The following BIN2 variants were observed in gnomAD, a reference collection of about 807,000 sequenced individuals.
BIN2 encodes the protein bridging integrator 2.
Under a neutral mutation model 67.9 loss-of-function variants are expected in BIN2, and 43 were observed. The observed-to-expected ratio is 0.63, with a 90% CI of 0.50 to 0.82. The LOEUF is 0.82. Among genes scored for constraint, BIN2 ranks in the 40% least tolerant of loss-of-function variants. The pLI, the probability that BIN2 is intolerant of heterozygous loss-of-function variation, is 0.00. For synonymous variants in BIN2, 244 were observed against 246.8 expected, an observed-to-expected ratio of 0.99 and a Z score of 0.11; for missense variants, 581 against 671.6, an observed-to-expected ratio of 0.87 and a Z score of 1.49.
intron 7 of BIN2, 95 bp from the exon 8 acceptor site, chr12:51,297,259 C>CA (rs1455399795): frequency 8.1e-7 from 1 of 1,230,126 alleles, no homozygotes; most frequent in Non-Finnish European, 1.2e-6. Context: ...CAAAACCAGC[C>CA]ACCAAGGCTC....
In BIN2 at chr12:51,281,555, G is replaced by C. The variant is rs1739197291; in HGVS notation, c.1669-27C>G. 3 of 1,613,510 alleles carry C rather than the reference G, an allele frequency of 1.9e-6. No homozygotes were observed. The African/African-American group carries it at 4.0e-5, about 22-fold the overall frequency. On this transcript the variant is annotated intron_variant, in intron 12 of 12. Coordinates refer to ENST00000615107, the MANE Select transcript of BIN2 (RefSeq NM_016293.4). ...TGGAAAGTAAACATGATTGTGTTAG[G>C]TGTTGACCTGCCTTCCCACCAACCA...
At chr12:51,295,580 ATATATATATATATATATATATATATAT>A (rs1945537850) in intron 9 of BIN2, among the ~76,000 whole-genome samples, 189 bp downstream of exon 9, 1,250 of 39,448 alleles carry the variant, frequency 0.032, 128 homozygotes, top group Middle Eastern at 0.094. Context: ...AAAAAAAAAT[ATATATATATATATATATATATATATAT>A]ATATATATAT....
At chr12:51,283,112 A>G (rs1945151809) in intron 12 of BIN2, among the ~76,000 whole-genome samples, 1 of 151,256 alleles carries the variant, frequency 6.6e-6, no homozygotes, top group East Asian at 2.0e-4. Flanking sequence ...AAAATTAGCC[A>G]GGCATGGTGG....
intron 1 of BIN2, among the ~76,000 whole-genome samples, chr12:51,318,006 A>G (rs1565691231): frequency 6.6e-6 from 1 of 152,162 alleles, no homozygotes; most frequent in South Asian, 2.1e-4. Flanking sequence ...AAGAAAAAGA[A>G]AAAGAAAAAA....
In BIN2 at chr12:51,288,089, T is replaced by G; in HGVS notation, c.1596+19A>C. On this transcript the variant is annotated intron_variant, in intron 11 of 12. Transcript: ENST00000615107. ...AAAAAATAGGGCATCATCATGTAGATGACTTAGGCTTTTAGTACCTCCGAG... is the reference window on the plus strand; with the variant it reads ...AAAAAATAGGGCATCATCATGTAGAGGACTTAGGCTTTTAGTACCTCCGAG... 6.4e-7 allele frequency: 1 copy of G among 1,563,386 alleles called. No individual in the cohort carries two copies. The highest frequency in any genetic ancestry group is 8.8e-7 in the Non-Finnish European group (1 of 1,134,700).
intron 2 of BIN2, among the ~76,000 whole-genome samples, chr12:51,306,558 T>C (rs922857040): frequency 1.3e-5 from 2 of 152,160 alleles, no homozygotes; most frequent in Non-Finnish European, 2.9e-5. Flanking sequence ...ACCCGGAAGG[T>C]GGAGGCTGCA....
chr12:51,302,011 A>T lies in BIN2; in HGVS notation c.408+9T>A. 1.3e-6 allele frequency: 2 copies of T among 1,599,766 alleles called. No homozygotes were observed. The highest frequency in any genetic ancestry group is 2.7e-5 in the African/African-American group (2 of 74,664). ...CCACAACCCAGCCTTGATTCTGTACATTGAGTACCTTAATTTCACTGAACT... is the reference window on the plus strand; with the variant it reads ...CCACAACCCAGCCTTGATTCTGTACTTTGAGTACCTTAATTTCACTGAACT... On this transcript the variant is annotated intron_variant, in intron 5 of 12. Transcript: ENST00000615107.
chr12:51,297,089 C>T lies in BIN2; in HGVS notation c.678G>A (p.Lys226=), dbSNP rs1945584958. Reference sequence around the variant, plus strand: ...CCTCAATTGGCCAGACACCTCTCACCTTGCTCATTTCCCTGTAGAAGACAT... The same window carrying T: ...CCTCAATTGGCCAGACACCTCTCACTTTGCTCATTTCCCTGTAGAAGACAT... ...LRDVFYREMS[K]LNHNLYEVMS... Residue 226 remains lysine, a splice_region_variant and synonymous_variant, in exon 8 of 13, where the codon AAG becomes AAA. Transcript: ENST00000615107. 1.2e-6 allele frequency: 2 copies of T among 1,613,306 alleles called. No individual in the cohort carries two copies. Among genetic ancestry groups the T allele is most frequent in the Non-Finnish European group, 1.7e-6 (2 of 1,179,294 alleles).
chr12:51,293,626 G>A, intron 9 of BIN2, among the ~76,000 whole-genome samples: 1 of 152,088 alleles, frequency 6.6e-6, no homozygotes, highest in East Asian at 1.9e-4. Flanking sequence ...AACTTACATA[G>A]ATCGATTTTT....
intron 9 of BIN2, among the ~76,000 whole-genome samples, chr12:51,293,471 A>G (rs1006437613): frequency 2.6e-5 from 4 of 152,018 alleles, no homozygotes; most frequent in Admixed American, 2.0e-4. Flanking sequence ...CACCATGCCC[A>G]GCTAATTTTT....
chr12:51,295,979 T>A, intron 8 of BIN2, 101 bp from the exon 9 acceptor site: 1 of 881,656 alleles, frequency 1.1e-6, no homozygotes. Context: ...AAATAAAACC[T>A]CCCCCTTTCA....
chr12:51,287,806 C>T (rs1945276134), intron 11 of BIN2, among the ~76,000 whole-genome samples: 1 of 152,038 alleles, frequency 6.6e-6, no homozygotes, highest in Non-Finnish European at 1.5e-5. Context: ...CACCCGCCAC[C>T]ACACCCGGCT....
chr12:51,299,117 C>T, intron 7 of BIN2, 86 bp downstream of exon 7: 1 of 923,438 alleles, frequency 1.1e-6, no homozygotes, highest in African/African-American at 1.7e-5. Context: ...GAATTTAAAT[C>T]TAAAACACTT....
chr12:51,302,035 C>A lies in BIN2; in HGVS notation c.393G>T (p.Gln131His). 1 of 1,612,914 alleles carries A rather than the reference C, an allele frequency of 6.2e-7. No individual in the cohort carries two copies. Among genetic ancestry groups the A allele is most frequent in the Middle Eastern group, 1.6e-4 (1 of 6,062 alleles). ...AVRTMEIYVA[Q>H]FSEIKERIAK... ...CATTGAGTACCTTAATTTCACTGAA[C>A]TGGGCAACATAGATTTCCATGGTCC... The change falls in exon 5 of 13, where the codon CAG (glutamine) becomes CAT (histidine). Residue 131 changes from glutamine (Q) to histidine (H), a missense_variant. Physicochemically the swap from Gln to His is conservative, Grantham distance 24 (BLOSUM62 0). Transcript: ENST00000615107.
intron 1 of BIN2, among the ~76,000 whole-genome samples, chr12:51,322,227 T>C (rs1946301522): frequency 6.6e-6 from 1 of 152,204 alleles, no homozygotes; most frequent in Non-Finnish European, 1.5e-5. Context: ...CCTCTCATTT[T>C]ACAGGTGCAA....
At chr12:51,324,385 C>G (rs1245523464), upstream of BIN2, 9 of 1,318,646 alleles carry the variant, frequency 6.8e-6, no homozygotes, top group Non-Finnish European at 7.0e-6. Context: ...CTCACTGAAC[C>G]AGGTCCTCAG....
chr12:51,300,012 A>G (rs1376808274), intron 5 of BIN2, among the ~76,000 whole-genome samples: 6 of 151,990 alleles, frequency 3.9e-5, no homozygotes, highest in Admixed American at 6.6e-5. Flanking sequence ...TAATTTTTGC[A>G]TTTTTAGTAG....
rs1319737260 is a variant in BIN2, at chr12:51,313,220, A to AAGGAAGGAAGGAAGGCAGGC, written c.162+602_162+603insGCCTGCCTTCCTTCCTTCCT. ...GAAGGAAGGAAGGAAGGAAGGAAGG[A>AAGGAAGGAAGGAAGGCAGGC]AGGCAGGAAGGCAGGCAGGCAGGCA... On this transcript the variant is annotated intron_variant, in intron 2 of 12. Transcript: ENST00000615107. 2.5e-4 allele frequency among the ~76,000 whole-genome samples: 35 copies of AAGGAAGGAAGGAAGGCAGGC among 138,226 alleles called. No individual in the cohort carries two copies. The East Asian group carries it at 6.2e-3, about 24-fold the overall frequency. 90.7% of individuals were successfully genotyped at this position (138,226 alleles called of 152,430 possible). A position where few individuals can be genotyped will look rare whatever the true frequency, so the allele number is the denominator to read the frequency against.
In BIN2 at chr12:51,324,059, T is replaced by C. The variant is rs376204352; in HGVS notation, c.44A>G (p.Lys15Arg). ...CCTGCTAAACTTCTTCTGCACCTGC[T>C]TGGCGAAGAGGCCGGCCGCGCCGCC... ...KAGGAAGLFA[K>R]QVQKKFSRAQ... is the part of the protein sequence containing the mutation. The change falls in exon 1 of 13, where the codon AAG becomes AGG. Residue 15 changes from lysine (K) to arginine (R), a missense_variant. Transcript: ENST00000615107. 5.6e-6 allele frequency: 9 copies of C among 1,613,458 alleles called. No individual in the cohort carries two copies. Among genetic ancestry groups the C allele is most frequent in the Middle Eastern group, 1.6e-4 (1 of 6,072 alleles).
Sources: gnomAD v4.1 joint callset for allele counts (sites outside exome capture counted in the v4.1 genomes callset) on GRCh38, gnomAD v4.1.1 for gene constraint, MANE v1.5 for transcripts, NCBI Gene and HGNC (gene_info 2026-07-23, HGNC 2026-07-21) for gene names.